Variants in ANOS1 observed in about 807,000 individuals in gnomAD.
The protein encoded by ANOS1 is anosmin-1.
Under a neutral mutation model 59.0 loss-of-function variants are expected in ANOS1, and 6 were observed. That is an observed-to-expected ratio of 0.10 (90% CI 0.06 to 0.20). The LOEUF (loss-of-function observed/expected upper bound fraction) is 0.20. Among genes scored for constraint, ANOS1 ranks in the 10% least tolerant of loss-of-function variants. The probability of loss-of-function intolerance (pLI) is 1.00; values close to 1 mark genes in which losing one functional copy is unlikely to be tolerated. For synonymous variants in ANOS1, 217 were observed against 223.4 expected, an observed-to-expected ratio of 0.97 and a Z score of 0.25; for missense variants, 433 against 542.3, an observed-to-expected ratio of 0.80 and a Z score of 2.00.
chrX:8,594,748 A>ATC (rs1456196991), intron 4 of ANOS1, among the ~76,000 whole-genome samples: 1 of 80,625 alleles, frequency 1.2e-5, no homozygotes, highest in African/African-American at 4.8e-5. Context: ...GTATATATAT[A>ATC]TACATATATA....
At chrX:8,702,209 AT>A (rs1033282801) in intron 1 of ANOS1, among the ~76,000 whole-genome samples, 1 of 111,390 alleles carries the variant, frequency 9.0e-6, no homozygotes, top group Non-Finnish European at 1.9e-5. Flanking sequence ...GAAGTTCGTT[AT>A]GATTTTTGGC....
At chrX:8,652,507 G>C (rs189944405) in intron 2 of ANOS1, among the ~76,000 whole-genome samples, 55 of 111,911 alleles carry the variant, frequency 4.9e-4, no homozygotes, top group African/African-American at 1.7e-3. Context: ...AGGAAAAGAA[G>C]AACTTGATCA....
chrX:8,596,584 T>A (rs143794424), intron 4 of ANOS1, among the ~76,000 whole-genome samples: 19 of 112,125 alleles, frequency 1.7e-4, no homozygotes, highest in African/African-American at 5.8e-4. Flanking sequence ...ATATTTAAGA[T>A]CTGTACAACG....
chrX:8,637,326 C>G (rs1429752129), intron 2 of ANOS1, among the ~76,000 whole-genome samples: 2 of 112,185 alleles, frequency 1.8e-5, no homozygotes, highest in Admixed American at 9.5e-5. Flanking sequence ...AAGGACTCAA[C>G]CAAAGATGTC....
intron 10 of ANOS1, among the ~76,000 whole-genome samples, chrX:8,537,215 A>T (rs896765202): frequency 4.5e-5 from 5 of 112,014 alleles, no homozygotes; most frequent in Non-Finnish European, 7.5e-5. Context: ...GGTCGCAATC[A>T]GCATTTTTGA....
At chrX:8,610,029 A>C (rs1466784297) in intron 3 of ANOS1, among the ~76,000 whole-genome samples, 4 of 87,403 alleles carry the variant, frequency 4.6e-5, no homozygotes, top group African/African-American at 9.0e-5. Flanking sequence ...AAAAAAAAAA[A>C]AAAAAACAAC....
At chrX:8,647,709 A>G (rs1162087776) in intron 2 of ANOS1, among the ~76,000 whole-genome samples, 1 of 111,912 alleles carries the variant, frequency 8.9e-6, no homozygotes, top group Non-Finnish European at 1.9e-5. Context: ...TATTTTAGAG[A>G]CATTTTTCCT....
intron 1 of ANOS1, among the ~76,000 whole-genome samples, chrX:8,716,807 C>T (rs1932844092): frequency 8.9e-6 from 1 of 112,060 alleles, no homozygotes; most frequent in South Asian, 3.7e-4. Context: ...AGAAGCTAAG[C>T]CATGTCATGA....
chrX:8,714,754 G>A (rs770160948), intron 1 of ANOS1, among the ~76,000 whole-genome samples: 7 of 111,623 alleles, frequency 6.3e-5, no homozygotes, highest in African/African-American at 1.9e-4. Context: ...AAAAATACAT[G>A]TTTTCCCCTT....
chrX:8,591,746 C>A (rs762396002), intron 4 of ANOS1, among the ~76,000 whole-genome samples: 2 of 112,462 alleles, frequency 1.8e-5, no homozygotes, highest in East Asian at 2.8e-4. Flanking sequence ...GCTCAACCCC[C>A]CTCAAGACCT....
intron 4 of ANOS1, among the ~76,000 whole-genome samples, chrX:8,590,174 C>A (rs1173233183): frequency 8.9e-6 from 1 of 111,763 alleles, no homozygotes; most frequent in Non-Finnish European, 1.9e-5. Context: ...TGAAGGGAAA[C>A]TTCTTGGCAT....
chrX:8,646,022 A>G (rs1324348185), intron 2 of ANOS1, among the ~76,000 whole-genome samples: 1 of 109,159 alleles, frequency 9.2e-6, no homozygotes, highest in Non-Finnish European at 1.9e-5. Flanking sequence ...TCCTGACCTC[A>G]GGTGATCCAC....
At chrX:8,671,673 A>G (rs1932257505) in intron 2 of ANOS1, among the ~76,000 whole-genome samples, 1 of 108,555 alleles carries the variant, frequency 9.2e-6, no homozygotes, top group Non-Finnish European at 1.9e-5. Context: ...TGTACCATAT[A>G]CATAGTATAC....
intron 2 of ANOS1, among the ~76,000 whole-genome samples, chrX:8,682,437 G>T (rs933403786): frequency 4.5e-5 from 5 of 110,526 alleles, no homozygotes; most frequent in African/African-American, 1.7e-4. Flanking sequence ...ACAACAAAGA[G>T]ATTTAACACA....
intron 3 of ANOS1, among the ~76,000 whole-genome samples, chrX:8,611,435 T>G (rs1204798789): frequency 9.1e-6 from 1 of 110,102 alleles, no homozygotes. Flanking sequence ...ATAAATAATA[T>G]TGAACAATAA....
At chrX:8,630,968 C>T (rs1276521386) in intron 2 of ANOS1, among the ~76,000 whole-genome samples, 2 of 112,351 alleles carry the variant, frequency 1.8e-5, no homozygotes, top group Non-Finnish European at 3.8e-5. Flanking sequence ...ATCTCATCAA[C>T]ATGGTTACCA....
chrX:8,620,118 G>T (rs184612451), intron 3 of ANOS1, among the ~76,000 whole-genome samples: 1,213 of 103,656 alleles, frequency 0.012, 19 homozygotes, highest in African/African-American at 0.038. Context: ...CTTGGAGCAG[G>T]AATTAAAAAA....
rs762071406 is a variant in ANOS1, at chrX:8,581,885, C to T, written c.856+3382G>A. Among the ~76,000 whole-genome samples the T allele has an allele frequency of 3.3e-3, 369 of 111,876 alleles. 5 individuals carry two copies. The highest frequency in any genetic ancestry group is 0.011 in the African/African-American group (351 of 30,815). ...TGGGTTCTAGAATGAGTCCATCAAC[C>T]CAAAAAGATTGATCCTTCATCCCTT... is the stretch of plus-strand genomic sequence containing the variant. On this transcript the variant is annotated intron_variant, in intron 6 of 13. Coordinates refer to ENST00000262648, the MANE Select transcript of ANOS1 (RefSeq NM_000216.4).
intron 3 of ANOS1, among the ~76,000 whole-genome samples, chrX:8,619,455 T>A (rs1282396330): frequency 9.1e-6 from 1 of 110,355 alleles, no homozygotes; most frequent in Non-Finnish European, 1.9e-5. Context: ...AATACAAAAA[T>A]TAGCCGGGCG....
Sources: allele counts gnomAD v4.1 joint callset (sites outside exome capture counted in the v4.1 genomes callset), GRCh38; gene constraint gnomAD v4.1.1; transcripts MANE v1.5; gene names NCBI Gene and HGNC (gene_info 2026-07-23, HGNC 2026-07-21).